The following GRIK2 variants were observed in gnomAD, a reference collection of about 807,000 sequenced individuals.
GRIK2 encodes glutamate ionotropic receptor kainate type subunit 2, also known as glutamate receptor ionotropic, kainate 2.
GRIK2 carries 32 observed loss-of-function variants against 100.3 expected under a neutral mutation model. The ratio of observed to expected loss-of-function variants is 0.32; its 90% CI spans 0.24 to 0.43. The LOEUF (loss-of-function observed/expected upper bound fraction) is 0.43. GRIK2 is among the 20% of genes least tolerant of loss of function. The pLI is 1.00. For missense variants in GRIK2, 843 were observed against 1,114.9 expected (o/e 0.76, Z 3.47); for synonymous variants, 417 against 389.4 (o/e 1.07, Z -0.83).
chr6:101,730,934 G>A (rs1775223386), intron 7 of GRIK2, among the ~76,000 whole-genome samples: 1 of 151,844 alleles, frequency 6.6e-6, no homozygotes, highest in Non-Finnish European at 1.5e-5. Context: ...AGTAAACTAT[G>A]CTTCTCACAC....
At chr6:101,930,502 A>T (rs979384345) in intron 14 of GRIK2, among the ~76,000 whole-genome samples, 7 of 152,078 alleles carry the variant, frequency 4.6e-5, no homozygotes, top group Non-Finnish European at 5.9e-5. Flanking sequence ...ATAATAATAC[A>T]ACCTATTGTA....
chr6:101,940,652 A>C (rs2128475449), intron 14 of GRIK2, among the ~76,000 whole-genome samples: 1 of 152,224 alleles, frequency 6.6e-6, no homozygotes, highest in Non-Finnish European at 1.5e-5. Context: ...GAAACACTTT[A>C]GTATTTTGTC....
intron 2 of GRIK2, among the ~76,000 whole-genome samples, chr6:101,581,185 C>T (rs1173182628): frequency 2.5e-4 from 38 of 150,748 alleles, no homozygotes; most frequent in Middle Eastern, 3.5e-3. Flanking sequence ...TATATATACA[C>T]ACACACACAT....
In GRIK2 at chr6:101,686,171, G is replaced by T. The variant is rs1771684186; in HGVS notation, c.778-9G>T. 6.2e-7 allele frequency: 1 copy of T among 1,602,998 alleles called. No homozygotes were observed. The highest frequency in any genetic ancestry group is 8.5e-7 in the Non-Finnish European group (1 of 1,171,456). ...CCATAATAACAACACAATAACATTT[G>T]TCTTTCAGGACCTCTTTGCTCTTGA... On this transcript the variant is annotated splice_polypyrimidine_tract_variant and intron_variant, in intron 6 of 16. Transcript: ENST00000369134.
chr6:101,439,774 A>T (rs142014275), intron 2 of GRIK2, among the ~76,000 whole-genome samples: 1 of 152,142 alleles, frequency 6.6e-6, no homozygotes, highest in South Asian at 2.1e-4. Flanking sequence ...CTTACCTATG[A>T]TGTAATTATT....
intron 7 of GRIK2, among the ~76,000 whole-genome samples, chr6:101,739,503 G>A (rs549942722): frequency 2.1e-4 from 32 of 152,240 alleles, no homozygotes; most frequent in African/African-American, 7.2e-4. Context: ...CTGGCTCAAG[G>A]ACCCTGGGCA....
At chr6:102,030,279 T>A (rs2114403467) in intron 14 of GRIK2, among the ~76,000 whole-genome samples, 1 of 151,436 alleles carries the variant, frequency 6.6e-6, no homozygotes, top group African/African-American at 2.4e-5. Context: ...CTCTCCTTTC[T>A]TTTGAAACAT....
intron 11 of GRIK2, among the ~76,000 whole-genome samples, chr6:101,875,576 T>C (rs957855778): frequency 6.6e-6 from 1 of 151,904 alleles, no homozygotes. Context: ...TTATTTCTGA[T>C]GAAAATTTCA....
At chr6:101,508,457 TAAAGC>T (rs149223545) in intron 2 of GRIK2, among the ~76,000 whole-genome samples, 52,443 of 151,708 alleles carry the variant, frequency 0.35, 9,269 homozygotes, top group Middle Eastern at 0.45. Flanking sequence ...GAAAATGTGA[TAAAGC>T]AAAGCTTAAT....
intron 11 of GRIK2, among the ~76,000 whole-genome samples, chr6:101,879,532 T>A (rs1786098061): frequency 6.6e-6 from 1 of 151,994 alleles, no homozygotes; most frequent in Non-Finnish European, 1.5e-5. Flanking sequence ...GACTCTATGC[T>A]TCTTGGGTTC....
At chr6:101,946,543 T>A (rs1244075338) in intron 14 of GRIK2, among the ~76,000 whole-genome samples, 1 of 152,056 alleles carries the variant, frequency 6.6e-6, no homozygotes, top group Non-Finnish European at 1.5e-5. Flanking sequence ...AAAGAAACAT[T>A]TTGATTTTTA....
At chr6:101,649,060 T>C (rs1781663570) in intron 4 of GRIK2, among the ~76,000 whole-genome samples, 2 of 152,010 alleles carry the variant, frequency 1.3e-5, no homozygotes, top group South Asian at 4.1e-4. Context: ...CACGTGGAGA[T>C]TATTACAATT....
chr6:101,470,439 T>C (rs1367598384), intron 2 of GRIK2, among the ~76,000 whole-genome samples: 1 of 152,202 alleles, frequency 6.6e-6, no homozygotes, highest in Non-Finnish European at 1.5e-5. Context: ...AGTTATGTAG[T>C]GGGAGAATCA....
intron 1 of GRIK2, among the ~76,000 whole-genome samples, chr6:101,397,698 G>A (rs1337634120): frequency 6.6e-6 from 1 of 152,034 alleles, no homozygotes. Context: ...AAAATAGCAA[G>A]TCGAATATTC....
Position 101,692,067 on chromosome 6 carries a change from A to AAAAAAAAAG in GRIK2, c.951+5714_951+5715insAAAAAAAAG, listed in dbSNP as rs1772146800. 2.8e-5 allele frequency among the ~76,000 whole-genome samples: 4 copies of AAAAAAAAAG among 145,408 alleles called. 1 individual carries two copies. The highest frequency in any genetic ancestry group is 1.0e-4 in the African/African-American group (4 of 38,828). ...AAAAAAAAAAAAAAAAAAAAAAAAAAGCAATGGAAATAGAACCATAGAGAA... is the reference window on the plus strand; with the variant it reads ...AAAAAAAAAAAAAAAAAAAAAAAAAAAAAAAAAAGGCAATGGAAATAGAACCATAGAGAA... On this transcript the variant is annotated intron_variant, in intron 7 of 16. Coordinates refer to ENST00000369134, the MANE Select transcript of GRIK2 (RefSeq NM_021956.5).
intron 4 of GRIK2, among the ~76,000 whole-genome samples, chr6:101,637,548 A>G (rs1781082173): frequency 6.6e-6 from 1 of 152,054 alleles, no homozygotes; most frequent in South Asian, 2.1e-4. Flanking sequence ...TGTCTTAGTT[A>G]ATATCATTTA....
At chr6:101,931,450 T>TA (rs1481299675) in intron 14 of GRIK2, among the ~76,000 whole-genome samples, 1 of 152,128 alleles carries the variant, frequency 6.6e-6, no homozygotes, top group Non-Finnish European at 1.5e-5. Context: ...AAAATTATTA[T>TA]AAAAAACGAT....
chr6:101,942,816 A>G (rs1791037507), intron 14 of GRIK2, among the ~76,000 whole-genome samples: 1 of 152,204 alleles, frequency 6.6e-6, no homozygotes, highest in Non-Finnish European at 1.5e-5. Context: ...CAAAGCATAA[A>G]AGTTTGGATA....
At chr6:102,041,714 A>ATTTT (rs1332290653) in intron 15 of GRIK2, among the ~76,000 whole-genome samples, 1 of 151,576 alleles carries the variant, frequency 6.6e-6, no homozygotes, top group Non-Finnish European at 1.5e-5. Context: ...AGCATATTAT[A>ATTTT]TTTTTAGTAC....
Sources: allele counts gnomAD v4.1 joint callset (sites outside exome capture counted in the v4.1 genomes callset), GRCh38; gene constraint gnomAD v4.1.1; transcripts MANE v1.5; gene names NCBI Gene and HGNC (gene_info 2026-07-23, HGNC 2026-07-21).